PCDH9: variants seen among roughly 807,000 people sequenced by gnomAD.
PCDH9 encodes protocadherin 9.
Under a neutral mutation model 70.6 loss-of-function variants are expected in PCDH9, and 24 were observed. The ratio of observed to expected loss-of-function variants is 0.34; its 90% confidence interval spans 0.25 to 0.48. The LOEUF (loss-of-function observed/expected upper bound fraction) is 0.48, where lower values mean the gene tolerates loss of function less well. Among genes scored for constraint, PCDH9 ranks in the 20% least tolerant of loss-of-function variants. The probability of loss-of-function intolerance (pLI) is 0.99; values close to 1 mark genes in which losing one functional copy is unlikely to be tolerated. For missense variants in PCDH9, 1,281 were observed against 1,503.6 expected, an observed-to-expected ratio of 0.85 and a Z score of 2.45; for synonymous variants, 562 against 558.5, an observed-to-expected ratio of 1.01 and a Z score of -0.09.
intron 4 of PCDH9, among the ~76,000 whole-genome samples, chr13:66,504,210 C>G (rs1215249945): frequency 6.6e-6 from 1 of 152,172 alleles, no homozygotes; most frequent in African/African-American, 2.4e-5. Flanking sequence ...CTACTGAACC[C>G]ACGTGTACCT....
At chr13:66,806,837 T>C (rs1166176068) in intron 3 of PCDH9, among the ~76,000 whole-genome samples, 2 of 152,190 alleles carry the variant, frequency 1.3e-5, no homozygotes, top group Admixed American at 6.5e-5. Flanking sequence ...TGGCAACTAG[T>C]ATATGCATAA....
chr13:66,646,413 A>G (rs574455692), intron 3 of PCDH9, among the ~76,000 whole-genome samples: 1 of 152,332 alleles, frequency 6.6e-6, no homozygotes, highest in South Asian at 2.1e-4. Context: ...AAATTTCTAA[A>G]AGGCAGGAAC....
chr13:66,936,415 C>T (rs9540947), intron 2 of PCDH9, among the ~76,000 whole-genome samples: 24,302 of 152,036 alleles, frequency 0.16, 2,131 homozygotes, highest in Non-Finnish European at 0.18. Context: ...CAATTAAGGG[C>T]TATTTTTAGA....
chr13:66,930,592 A>G (rs568155677), intron 2 of PCDH9, among the ~76,000 whole-genome samples: 1 of 152,308 alleles, frequency 6.6e-6, no homozygotes, highest in Non-Finnish European at 1.5e-5. Context: ...TGTAGGGATT[A>G]TGAACAACTG....
intron 4 of PCDH9, among the ~76,000 whole-genome samples, chr13:66,601,869 G>A (rs1785362153): frequency 6.8e-6 from 1 of 146,030 alleles, no homozygotes; most frequent in Non-Finnish European, 1.5e-5. Context: ...AAACTACTGT[G>A]CTGCCAGTCA....
At chr13:66,748,312 T>C (rs920969064) in intron 3 of PCDH9, among the ~76,000 whole-genome samples, 7 of 152,218 alleles carry the variant, frequency 4.6e-5, no homozygotes, top group Admixed American at 6.5e-5. Flanking sequence ...AAATTTTATT[T>C]CATGTGTACC....
At chr13:67,057,051 T>C (rs1011496345) in intron 2 of PCDH9, among the ~76,000 whole-genome samples, 5 of 152,302 alleles carry the variant, frequency 3.3e-5, no homozygotes, top group East Asian at 1.9e-4. Flanking sequence ...ATTATAACTA[T>C]GATTTGAGTA....
intron 2 of PCDH9, chr13:67,224,938 A>T: frequency 1.0e-6 from 1 of 999,726 alleles, no homozygotes; most frequent in South Asian, 4.4e-5. Flanking sequence ...GACTAAAAAA[A>T]AAATTAACCC....
chr13:66,896,541 T>C (rs2082182337), intron 3 of PCDH9, among the ~76,000 whole-genome samples: 2 of 151,994 alleles, frequency 1.3e-5, no homozygotes, highest in Admixed American at 6.6e-5. Flanking sequence ...AATTATAAAA[T>C]TGTTATGTAT....
intron 4 of PCDH9, among the ~76,000 whole-genome samples, chr13:66,399,035 A>G (rs997585733): frequency 4.6e-5 from 7 of 152,204 alleles, no homozygotes; most frequent in African/African-American, 1.4e-4. Context: ...ACATGCAAAT[A>G]GAAAATAGTG....
intron 2 of PCDH9, among the ~76,000 whole-genome samples, chr13:67,107,351 G>T (rs1251320577): frequency 1.3e-5 from 2 of 152,286 alleles, no homozygotes; most frequent in Non-Finnish European, 2.9e-5. Context: ...TCATGGGCCT[G>T]CCCATGGCCA....
At chr13:66,628,391 A>C (rs2077525908) in intron 4 of PCDH9, among the ~76,000 whole-genome samples, 1 of 152,230 alleles carries the variant, frequency 6.6e-6, no homozygotes, top group South Asian at 2.1e-4. Context: ...TTTTAACAAT[A>C]AATTTCTCAT....
At chr13:66,721,157 G>A (rs1233604443) in intron 3 of PCDH9, among the ~76,000 whole-genome samples, 1 of 152,164 alleles carries the variant, frequency 6.6e-6, no homozygotes, top group East Asian at 1.9e-4. Context: ...TCATGCTGTT[G>A]TTGTACAGGC....
At chr13:67,031,149 C>T (rs1406951926) in intron 2 of PCDH9, among the ~76,000 whole-genome samples, 2 of 151,898 alleles carry the variant, frequency 1.3e-5, no homozygotes, top group Non-Finnish European at 2.9e-5. Flanking sequence ...TTTTTCCAGC[C>T]ATAAACGACA....
intron 4 of PCDH9, among the ~76,000 whole-genome samples, chr13:66,352,213 G>C (rs1427359757): frequency 6.6e-6 from 1 of 152,176 alleles, no homozygotes; most frequent in East Asian, 1.9e-4. Flanking sequence ...TCTCAAAAAA[G>C]CTTATTAACT....
chr13:67,166,443 A>G (rs1160547759), intron 2 of PCDH9, among the ~76,000 whole-genome samples: 1 of 152,192 alleles, frequency 6.6e-6, no homozygotes, highest in Non-Finnish European at 1.5e-5. Flanking sequence ...ACCTCTTTGA[A>G]TATTCAGTTT....
At chr13:66,632,863 A>G (rs1327578462) in intron 3 of PCDH9, among the ~76,000 whole-genome samples, 3 of 151,956 alleles carry the variant, frequency 2.0e-5, no homozygotes, top group African/African-American at 7.2e-5. Flanking sequence ...TGTATATATT[A>G]AAAAATATAT....
chr13:66,339,166 A>T (rs1210999574), intron 4 of PCDH9, among the ~76,000 whole-genome samples: 1 of 152,116 alleles, frequency 6.6e-6, no homozygotes, highest in Non-Finnish European at 1.5e-5. Flanking sequence ...AGCTTTTATG[A>T]TCACAGGTGA....
chr13:66,775,284 G>C (rs1159712783), intron 3 of PCDH9, among the ~76,000 whole-genome samples: 3 of 152,174 alleles, frequency 2.0e-5, no homozygotes, highest in African/African-American at 7.2e-5. Context: ...TTTGTGTAGA[G>C]TATACATATA....
Sources: gnomAD v4.1 joint callset for allele counts (sites outside exome capture counted in the v4.1 genomes callset) on GRCh38, gnomAD v4.1.1 for gene constraint, MANE v1.5 for transcripts, NCBI Gene and HGNC (gene_info 2026-07-23, HGNC 2026-07-21) for gene names.